SCN9A: variants seen among roughly 807,000 people sequenced by gnomAD.
The protein encoded by SCN9A is sodium voltage-gated channel alpha subunit 9, also known as sodium channel protein type 9 subunit alpha.
In SCN9A, 131 loss-of-function variants were observed where a neutral mutation model predicts 187.0. That is an observed-to-expected ratio of 0.70 (90% CI 0.61 to 0.81). SCN9A has a LOEUF of 0.81. SCN9A is among the 30% of genes least tolerant of loss of function. The pLI is 0.00. For missense variants in SCN9A, 2,252 were observed against 2,396.6 expected, an observed-to-expected ratio of 0.94 and a Z score of 1.26; for synonymous variants, 809 against 808.6, an observed-to-expected ratio of 1.00 and a Z score of -0.01.
chr2:166,228,348 C>G (rs1694931894), intron 22 of SCN9A, among the ~76,000 whole-genome samples: 1 of 150,592 alleles, frequency 6.6e-6, no homozygotes. Flanking sequence ...CCTCCGCCTC[C>G]CAGGTTCACG....
Position 166,280,482 on chromosome 2 carries a change from T to C in SCN9A, c.2218A>G (p.Ile740Val). ...AGATCTACAAAAGGATCCATTACAA[T>C]AAAATAGATACACTTTTTGAATTTT... Reference protein sequence around the residue: ...WIKFKKCIYFIVMDPFVDLAI... With the variant: ...WIKFKKCIYFVVMDPFVDLAI... Residue 740 changes from isoleucine (I) to valine (V), a missense_variant, in exon 14 of 27, where the codon ATT (isoleucine) becomes GTT (valine). Ile to Val is a conservative substitution (Grantham distance 29). This residue lies in a region of SCN9A where 1,013 missense variants were observed against 997.4 expected (regional missense o/e 1.02). Transcript: ENST00000642356. 1.9e-6 allele frequency: 3 copies of C among 1,585,826 alleles called. No individual in the cohort carries two copies. Among genetic ancestry groups the C allele is most frequent in the Non-Finnish European group, 2.6e-6 (3 of 1,163,572 alleles).
At chr2:166,311,878 A>C in intron 1 of SCN9A, 72 bp from the exon 2 acceptor site, 1 of 837,594 alleles carries the variant, frequency 1.2e-6, no homozygotes, top group Non-Finnish European at 1.8e-6. Flanking sequence ...ACTAATAATA[A>C]CAACATAAAC....
chr2:166,335,643 A>G (rs962777565), intron 1 of SCN9A, among the ~76,000 whole-genome samples: 5 of 152,092 alleles, frequency 3.3e-5, no homozygotes, highest in African/African-American at 4.8e-5. Flanking sequence ...CAGACTTTCA[A>G]AAGCTTGGAC....
chr2:166,278,549 T>C (rs566711237), intron 14 of SCN9A, among the ~76,000 whole-genome samples: 2 of 152,314 alleles, frequency 1.3e-5, no homozygotes, highest in African/African-American at 4.8e-5. Flanking sequence ...TCATCATTTT[T>C]AGACAGCATT....
rs1210702483 is a variant in SCN9A, at chr2:166,198,335, CAA to C, written c.*335_*336del. 1 of 198,736 alleles carries C rather than the reference CAA, an allele frequency of 5.0e-6. No individual in the cohort carries two copies. Among genetic ancestry groups the C allele is most frequent in the African/African-American group, 2.3e-5 (1 of 42,980 alleles). The allele number at this position is 198,736 out of a possible 1,614,324, so 12.3% of individuals were successfully genotyped here. ...GTGTGTTGTTTATTTACATGGGAAA[CAA>C]GACTAATTACAATCCTGTGAAAAGA... is the stretch of plus-strand genomic sequence containing the variant. On this transcript the variant is annotated 3_prime_UTR_variant, in exon 27 of 27. Coordinates refer to ENST00000642356, the MANE Select transcript of SCN9A (RefSeq NM_001365536.1).
intron 24 of SCN9A, among the ~76,000 whole-genome samples, chr2:166,215,738 G>A: frequency 7.4e-6 from 1 of 135,926 alleles, no homozygotes; most frequent in South Asian, 2.3e-4. Flanking sequence ...AACCAATACT[G>A]GATAAAGAAA....
chr2:166,348,400 T>C (rs1201739617), intron 1 of SCN9A, among the ~76,000 whole-genome samples: 1 of 152,144 alleles, frequency 6.6e-6, no homozygotes. Context: ...ATTTACTCCC[T>C]GGGAACTCAG....
At chr2:166,334,989 T>A (rs1699593408) in intron 1 of SCN9A, among the ~76,000 whole-genome samples, 1 of 152,154 alleles carries the variant, frequency 6.6e-6, no homozygotes, top group Non-Finnish European at 1.5e-5. Flanking sequence ...TGTTAGTATT[T>A]GCTGGCTTAC....
At chr2:166,373,133 T>G (rs761588559) in intron 1 of SCN9A, among the ~76,000 whole-genome samples, 1 of 152,184 alleles carries the variant, frequency 6.6e-6, no homozygotes, top group Non-Finnish European at 1.5e-5. Flanking sequence ...TATTGTTTCA[T>G]GTGTTTTAGC....
intron 21 of SCN9A, among the ~76,000 whole-genome samples, chr2:166,230,720 C>T (rs1395522542): frequency 2.6e-5 from 4 of 152,164 alleles, no homozygotes; most frequent in African/African-American, 9.7e-5. Flanking sequence ...CTCTTGTAAC[C>T]ATTGACCCTA....
Position 166,354,378 on chromosome 2 carries a change from G to A in SCN9A, c.-51+21319C>T, listed in dbSNP as rs938003032. Among the ~76,000 whole-genome samples, 3 of 151,958 alleles carry A rather than the reference G, an allele frequency of 2.0e-5. No homozygotes were observed. In the East Asian group the frequency reaches 5.8e-4, roughly 30 times the overall value. ...CTTTTTTTTTCCCCAGCCATAAACAGGAAGGTTAAAAGTTTGGTCAGATGG... is the reference window on the plus strand; with the variant it reads ...CTTTTTTTTTCCCCAGCCATAAACAAGAAGGTTAAAAGTTTGGTCAGATGG... On this transcript the variant is annotated intron_variant, in intron 1 of 26. Coordinates refer to ENST00000642356, the MANE Select transcript of SCN9A (RefSeq NM_001365536.1).
chr2:166,279,728 C>T (rs1273226905), intron 14 of SCN9A, among the ~76,000 whole-genome samples: 1 of 151,980 alleles, frequency 6.6e-6, no homozygotes, highest in Non-Finnish European at 1.5e-5. Context: ...TGTGTATTTA[C>T]TATATGCCAG....
At chr2:166,256,354 G>A (rs527472129) in intron 17 of SCN9A, among the ~76,000 whole-genome samples, 35 of 149,264 alleles carry the variant, frequency 2.3e-4, no homozygotes, top group Admixed American at 1.4e-3. Flanking sequence ...TTTTTGATAT[G>A]AAATTTCTCA....
In SCN9A at chr2:166,323,884, T is replaced by G. The variant is rs547675018; in HGVS notation, c.-50-12078A>C. On this transcript the variant is annotated intron_variant, in intron 1 of 26. Coordinates refer to ENST00000642356, the MANE Select transcript of SCN9A (RefSeq NM_001365536.1). ...AAACAGTATGTTTCCTTTGATAACT[T>G]TTGACATCTCTTGTAGAAAGCAAGT... Among the ~76,000 whole-genome samples the G allele has an allele frequency of 1.3e-3, 190 of 151,904 alleles. 1 individual carries two copies. The highest frequency in any genetic ancestry group is 4.5e-3 in the African/African-American group (187 of 41,468).
At chr2:166,239,043 T>C (rs984014557) in intron 19 of SCN9A, among the ~76,000 whole-genome samples, 1 of 152,160 alleles carries the variant, frequency 6.6e-6, no homozygotes, top group African/African-American at 2.4e-5. Context: ...ATTTTGTGTA[T>C]GCTCTTCTGT....
chr2:166,346,792 G>A (rs953584401), intron 1 of SCN9A, among the ~76,000 whole-genome samples: 9 of 152,104 alleles, frequency 5.9e-5, no homozygotes, highest in African/African-American at 2.2e-4. Context: ...AAAAGTATAT[G>A]ATATATAAAA....
chr2:166,347,022 C>A (rs1274413116), intron 1 of SCN9A, among the ~76,000 whole-genome samples: 3 of 152,176 alleles, frequency 2.0e-5, no homozygotes, highest in Non-Finnish European at 2.9e-5. Context: ...ATCCATGTGT[C>A]TGTCCCATTT....
chr2:166,293,495 A>G (rs1258712120), intron 8 of SCN9A, 123 bp from the exon 9 acceptor site: 1 of 811,674 alleles, frequency 1.2e-6, no homozygotes, highest in Non-Finnish European at 1.8e-6. Context: ...AAGGATTAAG[A>G]ATACATGATT....
chr2:166,288,116 T>TACACAC (rs1465117432), intron 10 of SCN9A, among the ~76,000 whole-genome samples: 3,006 of 98,822 alleles, frequency 0.03, 102 homozygotes, highest in African/African-American at 0.12. Context: ...TATATATATA[T>TACACAC]ATATACACAC....
Sources: allele counts gnomAD v4.1 joint callset (sites outside exome capture counted in the v4.1 genomes callset), GRCh38; gene constraint gnomAD v4.1.1; regional missense constraint gnomAD v4.1.1; transcripts MANE v1.5; gene names NCBI Gene and HGNC (gene_info 2026-07-23, HGNC 2026-07-21).